TOP1: variants seen among roughly 807,000 people sequenced by gnomAD.
The protein encoded by TOP1 is DNA topoisomerase I, also known as DNA topoisomerase 1.
A neutral mutation model predicts 111.1 loss-of-function variants in TOP1; 10 were observed. The observed-to-expected ratio is 0.09, with a 90% CI of 0.06 to 0.15. The LOEUF (loss-of-function observed/expected upper bound fraction) is 0.15. Ranked by LOEUF, TOP1 falls within the 10% of genes least tolerant of loss-of-function variation. TOP1 has a pLI of 1.00. For synonymous variants in TOP1, 271 were observed against 302.9 expected (o/e 0.89, Z 1.10); for missense variants, 474 against 926.7 (o/e 0.51, Z 6.34).
Position 41,109,469 on chromosome 20 carries a change from A to G in TOP1, c.1309-3313A>G, listed in dbSNP as rs1243959844. On this transcript the variant is annotated intron_variant, in intron 13 of 20. Coordinates refer to ENST00000361337, the MANE Select transcript of TOP1 (RefSeq NM_003286.4). The surrounding 1 kb of genome is among the most constrained non-coding windows in gnomAD (Gnocchi z 4.1). ...AGAAACAATTGACTAAATGGACTTC[A>G]TTAAAATTAAAAATTTATGTTCAAC... 6.6e-6 allele frequency among the ~76,000 whole-genome samples: 1 copy of G among 152,206 alleles called. No homozygotes were observed. The highest frequency in any genetic ancestry group is 6.5e-5 in the Admixed American group (1 of 15,290).
At chr20:41,036,832 C>CTG (rs2033192322) in intron 2 of TOP1, among the ~76,000 whole-genome samples, 1 of 128,234 alleles carries the variant, frequency 7.8e-6, no homozygotes, top group African/African-American at 2.9e-5. Flanking sequence ...TCCTACTTTT[C>CTG]TTTTTTTTTT....
chr20:41,117,926 C>T (rs75574424), intron 17 of TOP1, among the ~76,000 whole-genome samples: 13 of 151,674 alleles, frequency 8.6e-5, no homozygotes, highest in Non-Finnish European at 1.5e-4. Context: ...TACCTAGACT[C>T]AGAGTTCCTC....
intron 8 of TOP1, among the ~76,000 whole-genome samples, chr20:41,087,123 C>G (rs2033859043): frequency 6.6e-6 from 1 of 152,098 alleles, no homozygotes; most frequent in Non-Finnish European, 1.5e-5. Flanking sequence ...TTGTCTTTAC[C>G]AGAAAAAACC....
At position 41,029,814 on chromosome 20, in the gene TOP1, CTCTT is replaced by C. The variant is rs2033094915; in HGVS notation, c.58+363_58+366del. 10 of 333,022 alleles carry C rather than the reference CTCTT, an allele frequency of 3.0e-5. No homozygotes were observed. In the South Asian group the frequency reaches 3.3e-4, roughly 11 times the overall value. The allele number at this position is 333,022 out of a possible 1,614,324, so 20.6% of individuals were successfully genotyped here. A position where few individuals can be genotyped will look rare whatever the true frequency, so the allele number is the denominator to read the frequency against. ...TCTCCTCTCCTTTCTGTGCCTGTGT[CTCTT>C]TCTCTCCCTCCCTCGGCTCTTTCCT... On this transcript the variant is annotated intron_variant, in intron 2 of 20. Coordinates refer to ENST00000361337, the MANE Select transcript of TOP1 (RefSeq NM_003286.4). This position sits in a 1 kb window ranked among gnomAD's most constrained non-coding sequence, Gnocchi z 6.1.
At chr20:41,048,358 T>A (rs938428752) in intron 2 of TOP1, among the ~76,000 whole-genome samples, 1 of 152,200 alleles carries the variant, frequency 6.6e-6, no homozygotes. Flanking sequence ...TGATTCCAAG[T>A]ACCAGGGCTT....
chr20:41,074,806 G>C (rs1014724549), intron 3 of TOP1, among the ~76,000 whole-genome samples: 1 of 152,054 alleles, frequency 6.6e-6, no homozygotes, highest in African/African-American at 2.4e-5. Context: ...TTTTTTTCCT[G>C]TGCATTGGTT....
intron 4 of TOP1, 63 bp from the exon 5 acceptor site, chr20:41,077,519 A>C (rs2033742533): frequency 7.3e-7 from 1 of 1,363,332 alleles, no homozygotes; most frequent in Admixed American, 1.7e-5. Flanking sequence ...ACATATTCTC[A>C]AAAAGAGGTT....
chr20:41,084,635 T>C, intron 8 of TOP1, 67 bp downstream of exon 8: 2 of 880,906 alleles, frequency 2.3e-6, no homozygotes, highest in Non-Finnish European at 3.4e-6. Context: ...GCAAGAGTAT[T>C]GAGTTATTAA....
At chr20:41,036,546 C>G (rs1386440656) in intron 2 of TOP1, among the ~76,000 whole-genome samples, 1 of 152,176 alleles carries the variant, frequency 6.6e-6, no homozygotes, top group East Asian at 1.9e-4. Context: ...ATGAGACAGC[C>G]TCTATTCTCA....
chr20:41,109,506 C>A lies in TOP1; in HGVS notation c.1309-3276C>A, dbSNP rs2034200908. Among the ~76,000 whole-genome samples the A allele has an allele frequency of 6.6e-6, 1 of 151,992 alleles. No homozygotes were observed. The highest frequency in any genetic ancestry group is 2.4e-5 in the African/African-American group (1 of 41,386). On this transcript the variant is annotated intron_variant, in intron 13 of 20. Coordinates refer to ENST00000361337, the MANE Select transcript of TOP1 (RefSeq NM_003286.4). This position sits in a 1 kb window ranked among gnomAD's most constrained non-coding sequence, Gnocchi z 4.1. ...AATTTATGTTCAACAAAAGACACTG[C>A]TAAAATAAATACAGAATTTACAGAC...
At chr20:41,081,317 A>C in intron 7 of TOP1, 77 bp downstream of exon 7, 8 of 1,487,202 alleles carry the variant, frequency 5.4e-6, no homozygotes. Flanking sequence ...TCTTAAGACA[A>C]ATGAGTTTTA....
Position 41,098,971 on chromosome 20 carries a change from C to G in TOP1, c.975+634C>G, listed in dbSNP as rs2034021389. 2 of 152,132 alleles carry G rather than the reference C, an allele frequency of 1.3e-5. No individual in the cohort carries two copies. Among genetic ancestry groups the G allele is most frequent in the Admixed American group, 6.5e-5 (1 of 15,278 alleles). The allele number at this position is 152,132 out of a possible 1,614,324, so 9.4% of individuals were successfully genotyped here. A position where few individuals can be genotyped will look rare whatever the true frequency, so the allele number is the denominator to read the frequency against. ...GTTGCAAAAGAGACTGTGTGGCACT[C>G]AAGCCTAAAATATTTTCTATCTAGA... On this transcript the variant is annotated intron_variant, in intron 11 of 20. Coordinates refer to ENST00000361337, the MANE Select transcript of TOP1 (RefSeq NM_003286.4). This position sits in a 1 kb window ranked among gnomAD's most constrained non-coding sequence, Gnocchi z 5.7.
In TOP1 at chr20:41,061,589, T is replaced by C; in HGVS notation, c.155+99T>C. 9.8e-7 allele frequency: 1 copy of C among 1,019,984 alleles called. No homozygotes were observed. Among genetic ancestry groups the C allele is most frequent in the Non-Finnish European group, 1.4e-6 (1 of 691,970 alleles). The allele number at this position is 1,019,984 out of a possible 1,614,324, so 63.2% of individuals were successfully genotyped here. On this transcript the variant is annotated intron_variant, in intron 3 of 20. Transcript: ENST00000361337. This position sits in a 1 kb window ranked among gnomAD's most constrained non-coding sequence, Gnocchi z 4.6. ...TCTTAACTTGAGCTACATGTAAAGA[T>C]AGCAAAGTAAGTAGAAACTGTATTT...
rs1020873439 is a variant in TOP1 at position 41,079,913 on chromosome 20, T to C, written c.336-172T>C. Among the ~76,000 whole-genome samples, 2 of 152,250 alleles carry C rather than the reference T, an allele frequency of 1.3e-5. No homozygotes were observed. The highest frequency in any genetic ancestry group is 2.9e-5 in the Non-Finnish European group (2 of 68,044). On this transcript the variant is annotated intron_variant, in intron 5 of 20. Coordinates refer to ENST00000361337, the MANE Select transcript of TOP1 (RefSeq NM_003286.4). The surrounding 1 kb of genome is among the most constrained non-coding windows in gnomAD (Gnocchi z 4.0). ...ACCTGTACAATGAGGACAAATACTATCTACTTCACAGGATTGAAGTGAGAA... is the reference window on the plus strand; with the variant it reads ...ACCTGTACAATGAGGACAAATACTACCTACTTCACAGGATTGAAGTGAGAA...
intron 2 of TOP1, among the ~76,000 whole-genome samples, chr20:41,059,644 C>T (rs774731100): frequency 6.6e-6 from 1 of 151,808 alleles, no homozygotes; most frequent in African/African-American, 2.4e-5. Context: ...GAGTAGGCAA[C>T]GATATCTTGG....
Position 41,079,108 on chromosome 20 carries a change from C to G in TOP1, c.336-977C>G, listed in dbSNP as rs1029901897. Among the ~76,000 whole-genome samples the G allele has an allele frequency of 2.3e-4, 35 of 152,276 alleles. 1 individual carries two copies. The highest frequency in any genetic ancestry group is 8.4e-4 in the African/African-American group (35 of 41,558). ...TGCTAAAATAAGTTCTTTAAACATT[C>G]AAATTCTATCACAAGCAAGGGGACC... is the stretch of plus-strand genomic sequence containing the variant. On this transcript the variant is annotated intron_variant, in intron 5 of 20. Transcript: ENST00000361337. This position sits in a 1 kb window ranked among gnomAD's most constrained non-coding sequence, Gnocchi z 4.0.
intron 2 of TOP1, among the ~76,000 whole-genome samples, chr20:41,042,989 G>C (rs2033286823): frequency 6.6e-6 from 1 of 152,338 alleles, no homozygotes; most frequent in South Asian, 2.1e-4. Flanking sequence ...TGGTCTTGCT[G>C]TCTCAGGAGT....
At chr20:41,064,619 A>T (rs367645765) in intron 3 of TOP1, among the ~76,000 whole-genome samples, 2 of 152,260 alleles carry the variant, frequency 1.3e-5, no homozygotes, top group South Asian at 2.1e-4. Context: ...TAAGCCTTTA[A>T]ACATGCTGTT....
intron 8 of TOP1, among the ~76,000 whole-genome samples, chr20:41,087,468 T>G (rs938753788): frequency 6.6e-5 from 10 of 152,244 alleles, no homozygotes; most frequent in African/African-American, 2.4e-4. Context: ...GTGTTAGGTG[T>G]GACTTTAAAT....
Sources: gnomAD v4.1 joint callset for allele counts (sites outside exome capture counted in the v4.1 genomes callset) on GRCh38, gnomAD v4.1.1 for gene constraint, Gnocchi (gnomAD v3.1) non-coding constraint, MANE v1.5 for transcripts, NCBI Gene and HGNC (gene_info 2026-07-23, HGNC 2026-07-21) for gene names.